The following TMEM63C variants were observed in gnomAD, a reference collection of about 807,000 sequenced individuals.
TMEM63C encodes osmosensitive cation channel TMEM63C.
In TMEM63C, 32 loss-of-function variants were observed where a neutral mutation model predicts 99.2. The ratio of observed to expected loss-of-function variants is 0.32; its 90% CI spans 0.24 to 0.43. The LOEUF (loss-of-function observed/expected upper bound fraction) is 0.43, where lower values mean the gene tolerates loss of function less well. Ranked by LOEUF, TMEM63C falls within the 20% of genes least tolerant of loss-of-function variation. The pLI, the probability that TMEM63C is intolerant of heterozygous loss-of-function variation, is 1.00. For synonymous variants in TMEM63C, 376 were observed against 397.9 expected (o/e 0.94, Z 0.66); for missense variants, 826 against 1,053.0 (o/e 0.78, Z 2.98).
chr14:77,246,579 C>T (rs1889271997), intron 17 of TMEM63C, 30 bp from the exon 18 acceptor site: 3 of 1,601,906 alleles, frequency 1.9e-6, no homozygotes, highest in Non-Finnish European at 2.6e-6. Context: ...GGTTTGCTAA[C>T]TAACAGACCT....
intron 10 of TMEM63C, among the ~76,000 whole-genome samples, chr14:77,239,207 G>C (rs1005667716): frequency 1.3e-5 from 2 of 152,236 alleles, no homozygotes; most frequent in Admixed American, 6.5e-5. Context: ...CCTGTTCTGA[G>C]TTGTGTAGGA....
At chr14:77,226,011 G>C (rs441860) in intron 6 of TMEM63C, among the ~76,000 whole-genome samples, 26,903 of 151,986 alleles carry the variant, frequency 0.18, 2,618 homozygotes, top group Non-Finnish European at 0.22. Flanking sequence ...CTCAAGTTAC[G>C]TGTTTTCTCC....
intron 21 of TMEM63C, among the ~76,000 whole-genome samples, chr14:77,251,379 T>C (rs184877484): frequency 1.5e-4 from 23 of 152,310 alleles, no homozygotes; most frequent in African/African-American, 5.5e-4. Flanking sequence ...TCCCTCTCTG[T>C]GCCATCGGTG....
At chr14:77,243,916 C>G (rs896294980) in intron 15 of TMEM63C, among the ~76,000 whole-genome samples, 2 of 152,164 alleles carry the variant, frequency 1.3e-5, no homozygotes, top group African/African-American at 4.8e-5. Flanking sequence ...AGCCACACCA[C>G]TTCTGCTGCT....
chr14:77,188,979 G>C (rs756141395), intron 1 of TMEM63C, among the ~76,000 whole-genome samples: 4 of 152,036 alleles, frequency 2.6e-5, no homozygotes, highest in Non-Finnish European at 5.9e-5. Context: ...TTATACCTTA[G>C]CAAAGTTGAT....
intron 5 of TMEM63C, among the ~76,000 whole-genome samples, chr14:77,223,666 CAT>C (rs1888765952): frequency 6.6e-6 from 1 of 151,692 alleles, no homozygotes; most frequent in Admixed American, 6.6e-5. Flanking sequence ...TGCACACACA[CAT>C]GAGAGAGACA....
intron 1 of TMEM63C, among the ~76,000 whole-genome samples, chr14:77,192,917 A>G (rs1349846954): frequency 6.6e-6 from 1 of 152,346 alleles, no homozygotes; most frequent in African/African-American, 2.4e-5. Context: ...GAAACCTTTA[A>G]GAATACAAGT....
chr14:77,219,952 A>G, intron 4 of TMEM63C, 54 bp from the exon 5 acceptor site: 1 of 1,512,466 alleles, frequency 6.6e-7, no homozygotes, highest in Non-Finnish European at 9.0e-7. Flanking sequence ...CAGGGCAGGC[A>G]GCTGAGAACT....
chr14:77,256,874 GC>G lies in TMEM63C; in HGVS notation c.*150del. The G allele has an allele frequency of 1.3e-6, 1 of 742,746 alleles. No homozygotes were observed. The highest frequency in any genetic ancestry group is 2.2e-6 in the Non-Finnish European group (1 of 463,782). The allele number at this position is 742,746 out of a possible 1,614,324, so 46.0% of individuals were successfully genotyped here. On this transcript the variant is annotated 3_prime_UTR_variant, in exon 24 of 24. Coordinates refer to ENST00000298351, the MANE Select transcript of TMEM63C (RefSeq NM_020431.4). The stretch of plus-strand genomic sequence containing the variant: ...GAGACATCCACCACCCCAGCCATGG[GC>G]CATACGGGGGTCCTGACCTGCTGCC...
intron 2 of TMEM63C, among the ~76,000 whole-genome samples, chr14:77,214,373 C>G (rs1208653533): frequency 3.9e-5 from 6 of 152,034 alleles, no homozygotes; most frequent in Admixed American, 1.3e-4. Context: ...TGGCACGGAA[C>G]CTGTAATCCC....
At chr14:77,215,614 A>AAAAAAAGG (rs772701077) in intron 2 of TMEM63C, among the ~76,000 whole-genome samples, 1 of 76,528 alleles carries the variant, frequency 1.3e-5, no homozygotes, top group Non-Finnish European at 2.4e-5. Flanking sequence ...AAAAAAAAAA[A>AAAAAAAGG]AAAAGAAAAG....
intron 1 of TMEM63C, among the ~76,000 whole-genome samples, chr14:77,190,579 G>A (rs1566615145): frequency 6.6e-6 from 1 of 152,154 alleles, no homozygotes; most frequent in South Asian, 2.1e-4. Flanking sequence ...ACAAGCAAGT[G>A]GGGCTGTATT....
At position 77,242,497 on chromosome 14, in the gene TMEM63C, C is replaced by T. The variant is rs199836958; in HGVS notation, c.1187+28C>T. 685 of 1,608,906 alleles carry T rather than the reference C, an allele frequency of 4.3e-4. 1 individual carries two copies. The highest frequency in any genetic ancestry group is 8.3e-4 in the Middle Eastern group (5 of 6,040). Reference sequence around the variant, plus strand: ...AAGCCTCCTCCATCCCTCCCCTCTCCTCTGAGCTCCTCTGAGACTGAAGAA... The same window carrying T: ...AAGCCTCCTCCATCCCTCCCCTCTCTTCTGAGCTCCTCTGAGACTGAAGAA... On this transcript the variant is annotated intron_variant, in intron 14 of 23. Coordinates refer to ENST00000298351, the MANE Select transcript of TMEM63C (RefSeq NM_020431.4).
chr14:77,194,740 AT>A (rs11314660), intron 1 of TMEM63C, among the ~76,000 whole-genome samples: 132,333 of 144,718 alleles, frequency 0.91, 61,402 homozygotes, highest in Middle Eastern at 0.99. Context: ...CATCCAGCTA[AT>A]TTTTTTTTTT....
intron 1 of TMEM63C, among the ~76,000 whole-genome samples, chr14:77,195,911 C>A (rs1426298440): frequency 6.6e-6 from 1 of 152,246 alleles, no homozygotes; most frequent in African/African-American, 2.4e-5. Context: ...CACCCCATCA[C>A]AGCTCCCCAA....
chr14:77,230,513 T>G (rs1888919071), intron 6 of TMEM63C, among the ~76,000 whole-genome samples: 1 of 152,208 alleles, frequency 6.6e-6, no homozygotes, highest in South Asian at 2.1e-4. Context: ...GATCGATACC[T>G]GTTAGGAACC....
intron 16 of TMEM63C, among the ~76,000 whole-genome samples, chr14:77,245,612 C>A (rs1889257447): frequency 6.6e-6 from 1 of 152,146 alleles, no homozygotes; most frequent in Non-Finnish European, 1.5e-5. Flanking sequence ...TGGTGGCAGG[C>A]AAGGAGGAGC....
chr14:77,191,804 AAAGTGCCGGGATTACAGGC>A lies in TMEM63C; in HGVS notation c.-77+9912_-77+9930del, dbSNP rs1281529959. The stretch of plus-strand genomic sequence containing the variant: ...GGTGATCCGCCTGCCTCGGCCTCCC[AAAGTGCCGGGATTACAGGC>A]ATGAGCCACCAAGCCTGGCCTAGTT... On this transcript the variant is annotated intron_variant, in intron 1 of 23. Transcript: ENST00000298351. 4.5e-4 allele frequency among the ~76,000 whole-genome samples: 69 copies of A among 152,148 alleles called. 1 individual carries two copies. The highest frequency in any genetic ancestry group is 2.2e-4 in the Non-Finnish European group (15 of 68,020).
At chr14:77,234,438 G>A (rs555836339) in intron 8 of TMEM63C, among the ~76,000 whole-genome samples, 1 of 152,164 alleles carries the variant, frequency 6.6e-6, no homozygotes, top group South Asian at 2.1e-4. Context: ...TTGCTGGCCC[G>A]AGGTACCTAC....
Sources: gnomAD v4.1 joint callset for allele counts (sites outside exome capture counted in the v4.1 genomes callset) on GRCh38, gnomAD v4.1.1 for gene constraint, MANE v1.5 for transcripts, NCBI Gene and HGNC (gene_info 2026-07-23, HGNC 2026-07-21) for gene names.